The following ZFPM2 variants were observed in gnomAD, a reference collection of about 807,000 sequenced individuals.
ZFPM2 encodes zinc finger protein, FOG family member 2.
Under a neutral mutation model 98.6 loss-of-function variants are expected in ZFPM2, and 20 were observed. The observed-to-expected ratio is 0.20, with a 90% CI of 0.14 to 0.29. The LOEUF is 0.29. ZFPM2 is among the 10% of genes least tolerant of loss of function. ZFPM2 has a pLI of 1.00. For missense variants in ZFPM2, 1,310 were observed against 1,388.6 expected (o/e 0.94, Z 0.90); for synonymous variants, 518 against 502.7 (o/e 1.03, Z -0.41).
At chr8:105,680,248 A>G (rs927494927) in intron 5 of ZFPM2, among the ~76,000 whole-genome samples, 16 of 152,160 alleles carry the variant, frequency 1.1e-4, no homozygotes, top group African/African-American at 3.4e-4. Context: ...TGGGTAACAA[A>G]TGTTCTTAAA....
intron 1 of ZFPM2, among the ~76,000 whole-genome samples, chr8:105,383,049 A>G (rs1416616523): frequency 1.3e-5 from 2 of 152,124 alleles, no homozygotes; most frequent in African/African-American, 4.8e-5. Flanking sequence ...GTGGTTAGGA[A>G]GAGAGGAATA....
At chr8:105,382,581 C>T (rs1810909774) in intron 1 of ZFPM2, among the ~76,000 whole-genome samples, 1 of 151,930 alleles carries the variant, frequency 6.6e-6, no homozygotes, top group South Asian at 2.1e-4. Flanking sequence ...ATATACCTAC[C>T]AGACTTCAAA....
chr8:105,688,272 AT>A (rs1810790812), intron 5 of ZFPM2, among the ~76,000 whole-genome samples: 1 of 152,092 alleles, frequency 6.6e-6, no homozygotes, highest in African/African-American at 2.4e-5. Flanking sequence ...GGATCAAAGG[AT>A]TTTACTAACA....
intron 5 of ZFPM2, among the ~76,000 whole-genome samples, chr8:105,704,420 CATTT>C (rs1811210639): frequency 6.6e-6 from 1 of 152,098 alleles, no homozygotes; most frequent in Non-Finnish European, 1.5e-5. Context: ...TGGTATCTTA[CATTT>C]GAAGTACATG....
chr8:105,565,156 C>A (rs542645013), intron 4 of ZFPM2, among the ~76,000 whole-genome samples: 45 of 152,196 alleles, frequency 3.0e-4, no homozygotes, highest in African/African-American at 1.0e-3. Flanking sequence ...TTATATCTTT[C>A]AAGTCCCCAT....
At chr8:105,414,976 T>G (rs1586355549) in intron 1 of ZFPM2, 1 of 152,120 alleles carries the variant, frequency 6.6e-6, no homozygotes, top group African/African-American at 2.4e-5. Context: ...AAAGCTTCAC[T>G]GTACATTGGG....
intron 3 of ZFPM2, among the ~76,000 whole-genome samples, chr8:105,473,417 T>G (rs1812948064): frequency 6.6e-6 from 1 of 152,240 alleles, no homozygotes; most frequent in Non-Finnish European, 1.5e-5. Flanking sequence ...ACATTTTTCA[T>G]GTTTATACCA....
chr8:105,643,315 A>G (rs1458282208), intron 5 of ZFPM2, among the ~76,000 whole-genome samples: 1 of 152,066 alleles, frequency 6.6e-6, no homozygotes, highest in Non-Finnish European at 1.5e-5. Context: ...CTGCATCACC[A>G]TCGTTTTCCT....
In ZFPM2 at chr8:105,788,849, C is replaced by T. The variant is rs373471482; in HGVS notation, c.664C>T (p.Arg222Cys). 5.5e-5 allele frequency: 88 copies of T among 1,613,906 alleles called. No individual in the cohort carries two copies. Among genetic ancestry groups the T allele is most frequent in the Non-Finnish European group, 6.5e-5 (77 of 1,179,858 alleles). Reference sequence around the variant, plus strand: ...TCTCACAGAAGGGATGTACCCTGCACGCCTGCTGGACTCAATTCAGCTGCT... The same window carrying T: ...TCTCACAGAAGGGATGTACCCTGCATGCCTGCTGGACTCAATTCAGCTGCT... ...MTLTEGMYPA[R>C]LLDSIQLLPQ... The change falls in exon 6 of 8, where the codon CGC (arginine) becomes TGC (cysteine). Residue 222 changes from arginine (R) to cysteine (C), a missense_variant. Arg to Cys is a radical substitution (Grantham distance 180, BLOSUM62 -3). Coordinates refer to ENST00000407775, the MANE Select transcript of ZFPM2 (RefSeq NM_012082.4).
rs994318181 is a variant in ZFPM2, at chr8:105,800,187, G to T, written c.965-860G>T. Among the ~76,000 whole-genome samples the T allele has an allele frequency of 2.6e-5, 4 of 152,142 alleles. No individual in the cohort carries two copies. The South Asian group carries it at 6.2e-4, about 24-fold the overall frequency. On this transcript the variant is annotated intron_variant, in intron 7 of 7. Transcript: ENST00000407775. ...TATGACTACAGGACTAGGTACCTCT[G>T]CCATGTTTTCAGCTTATGAATATAA...
At chr8:105,437,661 A>G (rs1242432997) in intron 2 of ZFPM2, among the ~76,000 whole-genome samples, 1 of 152,146 alleles carries the variant, frequency 6.6e-6, no homozygotes, top group Non-Finnish European at 1.5e-5. Context: ...ACCACCTTCA[A>G]GCTGCCATGT....
chr8:105,765,009 T>C (rs1293910687), intron 5 of ZFPM2, among the ~76,000 whole-genome samples: 1 of 151,864 alleles, frequency 6.6e-6, no homozygotes. Context: ...CTCTGTTTCA[T>C]TTAAGAGCAA....
intron 5 of ZFPM2, among the ~76,000 whole-genome samples, chr8:105,762,199 C>T (rs549506542): frequency 3.3e-5 from 5 of 152,042 alleles, no homozygotes; most frequent in African/African-American, 9.6e-5. Context: ...TCAATGCTTA[C>T]GATGCTCTTG....
At chr8:105,769,812 C>T (rs1563556065) in intron 5 of ZFPM2, among the ~76,000 whole-genome samples, 2 of 151,960 alleles carry the variant, frequency 1.3e-5, no homozygotes, top group Admixed American at 6.6e-5. Context: ...CAATCTTCCA[C>T]TCCCTAATTT....
chr8:105,568,250 A>C (rs1414484184), intron 4 of ZFPM2, among the ~76,000 whole-genome samples: 1 of 152,098 alleles, frequency 6.6e-6, no homozygotes. Flanking sequence ...CCAACTACAC[A>C]GTCACAAAGA....
intron 4 of ZFPM2, among the ~76,000 whole-genome samples, chr8:105,566,113 A>G (rs1270142152): frequency 6.6e-6 from 1 of 152,058 alleles, no homozygotes; most frequent in Non-Finnish European, 1.5e-5. Context: ...CATATTTTGG[A>G]GGGCAGTCTG....
chr8:105,378,640 A>T (rs1810779373), intron 1 of ZFPM2, among the ~76,000 whole-genome samples: 1 of 152,198 alleles, frequency 6.6e-6, no homozygotes, highest in Admixed American at 6.5e-5. Flanking sequence ...GTATATGTAT[A>T]TTTCTTTTAA....
chr8:105,640,102 CT>C (rs1284911581), intron 5 of ZFPM2, among the ~76,000 whole-genome samples: 1 of 151,932 alleles, frequency 6.6e-6, no homozygotes, highest in Non-Finnish European at 1.5e-5. Context: ...CGAAACAGTG[CT>C]TTTCCCATTT....
intron 5 of ZFPM2, chr8:105,685,008 T>C (rs1488310655): frequency 1.3e-5 from 2 of 152,108 alleles, no homozygotes; most frequent in African/African-American, 4.8e-5. Flanking sequence ...AGGCATGCAT[T>C]AGATAGGAAA....
Sources: gnomAD v4.1 joint callset for allele counts (sites outside exome capture counted in the v4.1 genomes callset) on GRCh38, gnomAD v4.1.1 for gene constraint, MANE v1.5 for transcripts, NCBI Gene and HGNC (gene_info 2026-07-23, HGNC 2026-07-21) for gene names.